Variants in L3MBTL4 observed in about 807,000 individuals in gnomAD.
L3MBTL4 encodes L3MBTL histone methyl-lysine binding protein 4, also known as lethal(3)malignant brain tumor-like protein 4.
A neutral mutation model predicts 84.5 loss-of-function variants in L3MBTL4; 70 were observed. That is an observed-to-expected ratio of 0.83 (90% CI 0.68 to 1.01). L3MBTL4 has a LOEUF of 1.01. Among genes scored for constraint, L3MBTL4 ranks in the 50% least tolerant of loss-of-function variants. L3MBTL4 has a pLI of 0.00. For synonymous variants in L3MBTL4, 274 were observed against 259.8 expected (o/e 1.05, Z -0.52); for missense variants, 715 against 754.8 (o/e 0.95, Z 0.62).
chr18:6,134,971 C>T (rs935179531), intron 14 of L3MBTL4, among the ~76,000 whole-genome samples: 2 of 152,216 alleles, frequency 1.3e-5, no homozygotes, highest in African/African-American at 4.8e-5. Context: ...TCCATGAGAT[C>T]CCTGCCCCTG....
At chr18:6,081,129 T>G (rs1333696940) in intron 15 of L3MBTL4, 178 bp from the exon 16 acceptor site, 3 of 468,920 alleles carry the variant, frequency 6.4e-6, no homozygotes, top group Non-Finnish European at 1.1e-5. Flanking sequence ...CACACTTCTG[T>G]TCAGAAACTC....
chr18:6,256,432 C>T lies in L3MBTL4; in HGVS notation c.219+7515G>A, dbSNP rs149269528. On this transcript the variant is annotated intron_variant, in intron 5 of 18. Transcript: ENST00000317931. ...ATTAGGAGGTTAAACCAGGAAGGTG[C>T]CTCTGTTCCTCCAACAACCCCCAGC... 3.4e-3 allele frequency among the ~76,000 whole-genome samples: 522 copies of T among 151,932 alleles called. 5 individuals are homozygous for T. The highest frequency in any genetic ancestry group is 0.03 in the South Asian group (145 of 4,796).
At chr18:6,084,931 G>A (rs546470497) in intron 15 of L3MBTL4, among the ~76,000 whole-genome samples, 4 of 152,284 alleles carry the variant, frequency 2.6e-5, no homozygotes, top group African/African-American at 7.2e-5. Flanking sequence ...GGGGTGTGGT[G>A]TGCAATGAGG....
intron 16 of L3MBTL4, among the ~76,000 whole-genome samples, chr18:6,063,126 G>T (rs534761665): frequency 7.8e-4 from 118 of 151,708 alleles, no homozygotes; most frequent in Non-Finnish European, 1.5e-3. Flanking sequence ...TAGAATAATG[G>T]CCTCCAGCTC....
chr18:6,209,338 G>T (rs2046002181), intron 12 of L3MBTL4, among the ~76,000 whole-genome samples: 1 of 151,632 alleles, frequency 6.6e-6, no homozygotes, highest in South Asian at 2.1e-4. Flanking sequence ...CACTGGGCAA[G>T]GTATTTCATC....
chr18:6,369,320 C>A (rs2054063541), intron 1 of L3MBTL4, among the ~76,000 whole-genome samples: 1 of 152,044 alleles, frequency 6.6e-6, no homozygotes, highest in Non-Finnish European at 1.5e-5. Flanking sequence ...AGGTTGAAAG[C>A]AAGGGAATGT....
intron 16 of L3MBTL4, among the ~76,000 whole-genome samples, chr18:6,064,448 C>A (rs1302747545): frequency 6.6e-6 from 1 of 151,986 alleles, no homozygotes; most frequent in African/African-American, 2.4e-5. Context: ...TTGCTTTTGG[C>A]AGTATAGTCA....
chr18:6,160,616 A>T (rs2043291684), intron 13 of L3MBTL4, among the ~76,000 whole-genome samples: 1 of 152,002 alleles, frequency 6.6e-6, no homozygotes, highest in Non-Finnish European at 1.5e-5. Context: ...CTGTAATCCC[A>T]GCTACCCAAG....
chr18:6,243,421 A>G lies in L3MBTL4; in HGVS notation c.333T>C (p.Gly111=), dbSNP rs151216640. 2.5e-6 allele frequency: 4 copies of G among 1,597,214 alleles called. No homozygotes were observed. In the African/African-American group the frequency reaches 4.0e-5, roughly 16 times the overall value. ...FCVLSVAEVC[G]YRLRLHFDGY... is the part of the protein sequence containing the mutation. ...CATCAAAATGAAGTCTTAGACGGTA[A>G]CCACAAACCTGCAAGATAGAAAGTT... The change falls in exon 7 of 19, where the codon GGT becomes GGC. Residue 111 remains glycine, a synonymous_variant. Transcript: ENST00000317931.
In L3MBTL4 at chr18:6,063,755, A is replaced by G. The variant is rs186775394; in HGVS notation, c.1444+17126T>C. On this transcript the variant is annotated intron_variant, in intron 16 of 18. Transcript: ENST00000317931. ...GAGTACCCTGTAAATTCTGGATACT[A>G]GTCCTTTGTTAAATGCATAGTTTGC... Among the ~76,000 whole-genome samples the G allele has an allele frequency of 2.0e-3, 302 of 152,030 alleles. 3 individuals are homozygous for G. The highest frequency in any genetic ancestry group is 1.4e-3 in the Non-Finnish European group (94 of 67,934).
At chr18:6,053,905 G>A (rs2056923628) in intron 16 of L3MBTL4, among the ~76,000 whole-genome samples, 1 of 152,184 alleles carries the variant, frequency 6.6e-6, no homozygotes, top group Admixed American at 6.5e-5. Flanking sequence ...GCGTGCAAAT[G>A]CTTTTGCAAA....
chr18:6,363,326 C>A (rs1184702429), intron 1 of L3MBTL4, among the ~76,000 whole-genome samples: 1 of 152,136 alleles, frequency 6.6e-6, no homozygotes. Flanking sequence ...ACACCCGACT[C>A]CCAGGCCCCC....
chr18:6,231,188 T>G (rs988214341), intron 10 of L3MBTL4, among the ~76,000 whole-genome samples: 2 of 152,208 alleles, frequency 1.3e-5, no homozygotes, highest in East Asian at 3.8e-4. Flanking sequence ...ATAGGTTATC[T>G]TCCATAGTTT....
intron 13 of L3MBTL4, among the ~76,000 whole-genome samples, chr18:6,170,216 C>A (rs2043899235): frequency 1.3e-5 from 2 of 152,270 alleles, no homozygotes; most frequent in South Asian, 4.1e-4. Context: ...GTCTATACTG[C>A]TCTAGATTTT....
chr18:6,226,691 A>T (rs147389706), intron 10 of L3MBTL4, among the ~76,000 whole-genome samples: 1 of 152,220 alleles, frequency 6.6e-6, no homozygotes, highest in Non-Finnish European at 1.5e-5. Flanking sequence ...GTAGACTGCG[A>T]TAATAGGTAT....
intron 16 of L3MBTL4, among the ~76,000 whole-genome samples, chr18:6,071,898 T>C (rs138670145): frequency 1.1e-3 from 163 of 151,968 alleles, no homozygotes; most frequent in African/African-American, 3.8e-3. Flanking sequence ...AAGATTGTTA[T>C]TAGATTGGAT....
chr18:6,252,514 T>C (rs2047967768), intron 5 of L3MBTL4, among the ~76,000 whole-genome samples: 1 of 152,218 alleles, frequency 6.6e-6, no homozygotes, highest in Non-Finnish European at 1.5e-5. Flanking sequence ...TCAAATTATT[T>C]TGAGTGGTTC....
intron 1 of L3MBTL4, among the ~76,000 whole-genome samples, chr18:6,319,486 G>T (rs529241043): frequency 1.3e-5 from 2 of 152,148 alleles, no homozygotes; most frequent in African/African-American, 2.4e-5. Context: ...AAAATCATTT[G>T]TGACTACTGT....
rs376952429 is a variant in L3MBTL4, at chr18:5,963,617, T to A, written c.1615-3461A>T. Among the ~76,000 whole-genome samples the A allele has an allele frequency of 1.4e-4, 21 of 152,386 alleles. 1 individual carries two copies. The East Asian group carries it at 3.1e-3, about 22-fold the overall frequency. On this transcript the variant is annotated intron_variant, in intron 17 of 18. Transcript: ENST00000317931. ...TTTCCAAAGTAAGGAAAAAGTTCCATGAACTGTATTAAGCAGACTTCTCTG... is the reference window on the plus strand; with the variant it reads ...TTTCCAAAGTAAGGAAAAAGTTCCAAGAACTGTATTAAGCAGACTTCTCTG...
Sources: gnomAD v4.1 joint callset for allele counts (sites outside exome capture counted in the v4.1 genomes callset) on GRCh38, gnomAD v4.1.1 for gene constraint, MANE v1.5 for transcripts, NCBI Gene and HGNC (gene_info 2026-07-23, HGNC 2026-07-21) for gene names.